TAF4B: variants seen among roughly 807,000 people sequenced by gnomAD.
TAF4B encodes the protein TATA-box binding protein associated factor 4b.
A neutral mutation model predicts 86.4 loss-of-function variants in TAF4B; 38 were observed. That is an observed-to-expected ratio of 0.44 (90% CI 0.34 to 0.58). The LOEUF is 0.58. Ranked by LOEUF, TAF4B falls within the 20% of genes least tolerant of loss-of-function variation. The pLI is 0.02. For missense variants in TAF4B, 988 were observed against 1,027.6 expected (o/e 0.96, Z 0.53); for synonymous variants, 388 against 391.2 (o/e 0.99, Z 0.10).
intron 14 of TAF4B, among the ~76,000 whole-genome samples, chr18:26,365,250 G>C (rs1023356625): frequency 5.3e-5 from 8 of 152,160 alleles, no homozygotes; most frequent in South Asian, 4.2e-4. Flanking sequence ...CAGGTGATCT[G>C]CCCTCCTCAG....
At chr18:26,283,222 A>C (rs2056471217) in intron 6 of TAF4B, among the ~76,000 whole-genome samples, 1 of 152,182 alleles carries the variant, frequency 6.6e-6, no homozygotes, top group African/African-American at 2.4e-5. Context: ...CATCAGAGGA[A>C]TCACTGTCTA....
In TAF4B at chr18:26,233,533, A is replaced by G. The variant is rs188060499; in HGVS notation, c.343+6257A>G. 1.1e-4 allele frequency among the ~76,000 whole-genome samples: 17 copies of G among 152,210 alleles called. No individual in the cohort carries two copies. In the East Asian group the frequency reaches 3.3e-3, roughly 29 times the overall value. On this transcript the variant is annotated intron_variant, in intron 1 of 14. Transcript: ENST00000269142. ...AGTTACTATGATCAGTTGGGGCTTG[A>G]AGTTGTAGGGTGTAATTATGCTGAT...
At chr18:26,376,823 T>C (rs190429084) in intron 14 of TAF4B, among the ~76,000 whole-genome samples, 42 of 150,056 alleles carry the variant, frequency 2.8e-4, no homozygotes, top group African/African-American at 1.1e-3. Flanking sequence ...TCATAGATGC[T>C]TTTTTTTAAG....
intron 11 of TAF4B, among the ~76,000 whole-genome samples, chr18:26,325,803 A>G (rs75338954): frequency 5.6e-4 from 85 of 152,346 alleles, no homozygotes; most frequent in East Asian, 4.8e-3. Flanking sequence ...ATTTAACTTT[A>G]AAAACAGTTG....
intron 14 of TAF4B, among the ~76,000 whole-genome samples, chr18:26,379,903 A>G (rs190494405): frequency 1.3e-5 from 2 of 152,154 alleles, no homozygotes; most frequent in Non-Finnish European, 2.9e-5. Context: ...ATACATAGGT[A>G]TATTTTTTTG....
intron 14 of TAF4B, among the ~76,000 whole-genome samples, chr18:26,363,803 A>G (rs2057349192): frequency 6.6e-6 from 1 of 152,144 alleles, no homozygotes; most frequent in African/African-American, 2.4e-5. Context: ...GTTTGAGTTA[A>G]ATTTTTTAGA....
At chr18:26,256,410 G>A (rs1262890524) in intron 1 of TAF4B, 11 of 1,016,888 alleles carry the variant, frequency 1.1e-5, no homozygotes, top group East Asian at 9.5e-5. Context: ...GCGCAATAAC[G>A]TCCCCGAGGT....
intron 7 of TAF4B, among the ~76,000 whole-genome samples, chr18:26,291,060 G>C (rs2056586381): frequency 6.6e-6 from 1 of 152,092 alleles, no homozygotes; most frequent in African/African-American, 2.4e-5. Context: ...GTTGCTATAG[G>C]ATTACTTACC....
At chr18:26,256,819 CTTT>C (rs146699043) in intron 1 of TAF4B, among the ~76,000 whole-genome samples, 2 of 142,064 alleles carry the variant, frequency 1.4e-5, no homozygotes, top group African/African-American at 5.2e-5. Context: ...AGTTACCCCA[CTTT>C]TTTTTTTTTT....
chr18:26,242,771 G>A (rs1193253337), intron 1 of TAF4B, among the ~76,000 whole-genome samples: 2 of 152,184 alleles, frequency 1.3e-5, no homozygotes, highest in African/African-American at 4.8e-5. Flanking sequence ...CTCTTGTAAG[G>A]CAGGCCTGGT....
chr18:26,269,973 A>G (rs749768553), intron 3 of TAF4B, among the ~76,000 whole-genome samples: 28 of 152,342 alleles, frequency 1.8e-4, no homozygotes, highest in Admixed American at 7.2e-4. Flanking sequence ...AGCTACTATC[A>G]TATTGTTTTA....
intron 12 of TAF4B, among the ~76,000 whole-genome samples, chr18:26,332,711 G>A (rs1185354953): frequency 6.6e-6 from 1 of 152,002 alleles, no homozygotes; most frequent in African/African-American, 2.4e-5. Flanking sequence ...TGCATTATTA[G>A]TAGAGACGGG....
At chr18:26,357,819 T>G in intron 14 of TAF4B, 25 bp downstream of exon 14, 1 of 1,524,618 alleles carries the variant, frequency 6.6e-7, no homozygotes, top group Non-Finnish European at 9.0e-7. Context: ...TTCATTATTT[T>G]ATTTTTAATG....
intron 5 of TAF4B, among the ~76,000 whole-genome samples, chr18:26,280,021 G>T (rs1353261517): frequency 6.8e-6 from 1 of 146,288 alleles, no homozygotes; most frequent in African/African-American, 2.6e-5. Context: ...TACAGCCTAG[G>T]TGACACAGTG....
intron 14 of TAF4B, among the ~76,000 whole-genome samples, chr18:26,371,253 C>A (rs1041085432): frequency 6.6e-6 from 1 of 152,186 alleles, no homozygotes; most frequent in Non-Finnish European, 1.5e-5. Context: ...TCTGTTTAAA[C>A]ATTTAATAAC....
chr18:26,291,475 G>C (rs780935049), intron 7 of TAF4B, among the ~76,000 whole-genome samples: 21 of 152,184 alleles, frequency 1.4e-4, no homozygotes, highest in Non-Finnish European at 2.5e-4. Context: ...GGGAGGCTGA[G>C]GTGGGCGGAT....
rs1372151453 is a variant in TAF4B at position 26,315,157 on chromosome 18, T to TCACACACACACACA, written c.1833-71_1833-70insACACACACACACAC. 6.4e-4 allele frequency: 285 copies of TCACACACACACACA among 446,194 alleles called. 2 individuals carry two copies. The highest frequency in any genetic ancestry group is 2.0e-3 in the African/African-American group (68 of 33,738). 27.6% of individuals were successfully genotyped at this position (446,194 alleles called of 1,614,324 possible). ...CTCTCTCTCTCTCTGTCTCTCTCTC[T>TCACACACACACACA]CTCTCACACACACACACACACACAC... On this transcript the variant is annotated intron_variant, in intron 9 of 14. Coordinates refer to ENST00000269142, the MANE Select transcript of TAF4B (RefSeq NM_005640.3).
intron 9 of TAF4B, among the ~76,000 whole-genome samples, chr18:26,311,707 T>G (rs1019270615): frequency 1.3e-5 from 2 of 152,176 alleles, no homozygotes; most frequent in African/African-American, 4.8e-5. Context: ...GGAGGAGTTA[T>G]TCTATAGTGA....
At chr18:26,338,470 ATTTTTTTTT>A (rs764826705) in intron 13 of TAF4B, among the ~76,000 whole-genome samples, 4 of 71,188 alleles carry the variant, frequency 5.6e-5, no homozygotes, top group Admixed American at 1.9e-4. Context: ...AAGAACTAGA[ATTTTTTTTT>A]TTTTTTTTTT....
Sources: allele counts gnomAD v4.1 joint callset (sites outside exome capture counted in the v4.1 genomes callset), GRCh38; gene constraint gnomAD v4.1.1; transcripts MANE v1.5; gene names NCBI Gene and HGNC (gene_info 2026-07-23, HGNC 2026-07-21).